The following PARD3B variants were observed in gnomAD, a reference collection of about 807,000 sequenced individuals.
PARD3B encodes the protein par-3 family cell polarity regulator beta, also known as partitioning defective 3 homolog B.
In PARD3B, 103 loss-of-function variants were observed where a neutral mutation model predicts 130.2. That is an observed-to-expected ratio of 0.79 (90% CI 0.67 to 0.93). PARD3B has a LOEUF of 0.93. PARD3B is among the 40% of genes least tolerant of loss of function. PARD3B has a pLI of 0.00. For synonymous variants in PARD3B, 583 were observed against 553.2 expected, an observed-to-expected ratio of 1.05 and a Z score of -0.76; for missense variants, 1,609 against 1,499.2, an observed-to-expected ratio of 1.07 and a Z score of -1.21.
intron 18 of PARD3B, among the ~76,000 whole-genome samples, chr2:205,308,010 C>T (rs899792130): frequency 2.5e-4 from 38 of 152,282 alleles, no homozygotes; most frequent in African/African-American, 7.0e-4. Flanking sequence ...CAAGTACAAA[C>T]GCTGCCAATA....
intron 20 of PARD3B, among the ~76,000 whole-genome samples, chr2:205,482,178 T>C (rs569741879): frequency 2.6e-5 from 4 of 152,156 alleles, no homozygotes; most frequent in Admixed American, 2.0e-4. Flanking sequence ...AGTGAAAATA[T>C]AGACAAGGAG....
In PARD3B at chr2:205,466,190, G is replaced by A. The variant is rs74709808; in HGVS notation, c.3044+25518G>A. Among the ~76,000 whole-genome samples the A allele has an allele frequency of 5.9e-3, 898 of 152,222 alleles. 11 individuals are homozygous for A. The highest frequency in any genetic ancestry group is 0.021 in the African/African-American group (862 of 41,532). On this transcript the variant is annotated intron_variant, in intron 20 of 22. Transcript: ENST00000406610. ...GTGCTTAGCAAGGGTTTAGACTAGA[G>A]GAAGGCAGTGCTGAATTGTTATTGA...
intron 16 of PARD3B, among the ~76,000 whole-genome samples, chr2:205,259,615 G>A (rs2040224910): frequency 6.6e-6 from 1 of 151,966 alleles, no homozygotes; most frequent in Non-Finnish European, 1.5e-5. Flanking sequence ...TATCACTTCT[G>A]GGATATTATG....
chr2:205,150,003 C>A (rs1334669292), intron 10 of PARD3B, among the ~76,000 whole-genome samples: 1 of 152,076 alleles, frequency 6.6e-6, no homozygotes, highest in Non-Finnish European at 1.5e-5. Context: ...GTCAAAAAAG[C>A]CTAAGTTGAA....
intron 2 of PARD3B, among the ~76,000 whole-genome samples, chr2:204,712,297 A>C (rs2038480321): frequency 6.6e-6 from 1 of 152,144 alleles, no homozygotes; most frequent in South Asian, 2.1e-4. Context: ...TTCCAGGAAC[A>C]GGTTAGACAT....
chr2:204,949,596 A>G (rs1290680216), intron 2 of PARD3B, among the ~76,000 whole-genome samples: 1 of 152,192 alleles, frequency 6.6e-6, no homozygotes, highest in East Asian at 1.9e-4. Context: ...TGCTGGGATT[A>G]CAAGCATAAG....
chr2:205,090,741 T>G (rs1404410799), intron 4 of PARD3B, among the ~76,000 whole-genome samples: 1 of 152,156 alleles, frequency 6.6e-6, no homozygotes, highest in Non-Finnish European at 1.5e-5. Context: ...ATTTACTGAG[T>G]GTAGACACTG....
intron 19 of PARD3B, among the ~76,000 whole-genome samples, chr2:205,430,981 G>A (rs186166748): frequency 2.0e-5 from 3 of 152,308 alleles, no homozygotes; most frequent in Admixed American, 2.0e-4. Context: ...ATGATATTTT[G>A]ATATGCCTTT....
At chr2:204,984,862 G>A (rs957960577) in intron 3 of PARD3B, among the ~76,000 whole-genome samples, 1 of 152,050 alleles carries the variant, frequency 6.6e-6, no homozygotes, top group Non-Finnish European at 1.5e-5. Context: ...AGCAGTCCTG[G>A]AATAATCATC....
intron 20 of PARD3B, among the ~76,000 whole-genome samples, chr2:205,479,651 C>T (rs1037325320): frequency 2.0e-5 from 3 of 152,210 alleles, no homozygotes; most frequent in African/African-American, 7.2e-5. Context: ...CACCCCTCAC[C>T]TGCCTTTCTG....
At chr2:205,302,426 G>A (rs1301784811) in intron 18 of PARD3B, among the ~76,000 whole-genome samples, 1 of 152,162 alleles carries the variant, frequency 6.6e-6, no homozygotes, top group Non-Finnish European at 1.5e-5. Flanking sequence ...GTACTCAGGA[G>A]GCTGAGGCCA....
intron 15 of PARD3B, among the ~76,000 whole-genome samples, chr2:205,215,247 A>T (rs183147592): frequency 3.9e-5 from 6 of 151,958 alleles, no homozygotes; most frequent in African/African-American, 1.4e-4. Flanking sequence ...CCAAGAAGTG[A>T]TCCTAAGAGT....
At chr2:204,727,616 A>G (rs920240792) in intron 2 of PARD3B, among the ~76,000 whole-genome samples, 2 of 152,216 alleles carry the variant, frequency 1.3e-5, no homozygotes, top group African/African-American at 2.4e-5. Flanking sequence ...GCCAGAAGCC[A>G]GAAACAGGCA....
chr2:204,567,848 A>G (rs754202773), intron 1 of PARD3B, among the ~76,000 whole-genome samples: 8 of 152,184 alleles, frequency 5.3e-5, no homozygotes, highest in Non-Finnish European at 7.4e-5. Context: ...AAAGGTTTCA[A>G]TTTCTTCCTA....
In PARD3B at chr2:205,570,541, C is replaced by T. The variant is rs143581342; in HGVS notation, c.3260+17138C>T. Among the ~76,000 whole-genome samples, 855 of 152,286 alleles carry T rather than the reference C, an allele frequency of 5.6e-3. 12 individuals are homozygous for T. The highest frequency in any genetic ancestry group is 0.02 in the African/African-American group (818 of 41,568). ...CCTTATTATGGTCTAACTTTCAGCT[C>T]CACACAGCACAGTGTGTATATATAT... On this transcript the variant is annotated intron_variant, in intron 22 of 22. Transcript: ENST00000406610.
intron 4 of PARD3B, among the ~76,000 whole-genome samples, chr2:205,071,066 G>GTTTCTTCT (rs1700699771): frequency 6.6e-6 from 1 of 151,926 alleles, no homozygotes. Flanking sequence ...TTTCTTGGAA[G>GTTTCTTCT]TGTCAAATGA....
Position 205,452,360 on chromosome 2 carries a change from C to T in PARD3B, c.3044+11688C>T, listed in dbSNP as rs570357606. ...ACCTCTGACTCATGACTTCGTGTGG[C>T]TGTGTGTAGGGACTTGAACAGTGAA... is the stretch of plus-strand genomic sequence containing the variant. On this transcript the variant is annotated intron_variant, in intron 20 of 22. Coordinates refer to ENST00000406610, the MANE Select transcript of PARD3B (RefSeq NM_001302769.2). Among the ~76,000 whole-genome samples, 272 of 152,246 alleles carry T rather than the reference C, an allele frequency of 1.8e-3. 1 individual carries two copies. The highest frequency in any genetic ancestry group is 6.3e-3 in the African/African-American group (261 of 41,542).
rs1254301257 is a variant in PARD3B, at chr2:205,458,216, C to T, written c.3044+17544C>T. On this transcript the variant is annotated intron_variant, in intron 20 of 22. Coordinates refer to ENST00000406610, the MANE Select transcript of PARD3B (RefSeq NM_001302769.2). This position sits in a 1 kb window ranked among gnomAD's most constrained non-coding sequence, Gnocchi z 4.8. Reference sequence around the variant, plus strand: ...TTCTTCATCATCTTTGAAAAATTCTCAGCTGGTCACACCTCTTCAGAATTG... The same window carrying T: ...TTCTTCATCATCTTTGAAAAATTCTTAGCTGGTCACACCTCTTCAGAATTG... Among the ~76,000 whole-genome samples the T allele has an allele frequency of 6.6e-6, 1 of 152,072 alleles. No individual in the cohort carries two copies. The highest frequency in any genetic ancestry group is 1.5e-5 in the Non-Finnish European group (1 of 67,992).
At chr2:204,934,360 A>G (rs188218439) in intron 2 of PARD3B, among the ~76,000 whole-genome samples, 1 of 152,228 alleles carries the variant, frequency 6.6e-6, no homozygotes, top group Non-Finnish European at 1.5e-5. Flanking sequence ...TGGTTGCTTG[A>G]TGAACACTGC....
Sources: allele counts gnomAD v4.1 joint callset (sites outside exome capture counted in the v4.1 genomes callset), GRCh38; gene constraint gnomAD v4.1.1; non-coding constraint Gnocchi (gnomAD v3.1); transcripts MANE v1.5; gene names NCBI Gene and HGNC (gene_info 2026-07-23, HGNC 2026-07-21).